Variants in FOXP1 observed in about 807,000 individuals in gnomAD.
FOXP1 encodes forkhead box protein P1.
Under a neutral mutation model 98.2 loss-of-function variants are expected in FOXP1, and 15 were observed. The ratio of observed to expected loss-of-function variants is 0.15; its 90% CI spans 0.10 to 0.24. FOXP1 has a LOEUF of 0.24. Ranked by LOEUF, FOXP1 falls within the 10% of genes least tolerant of loss-of-function variation. The pLI, the probability that FOXP1 is intolerant of heterozygous loss-of-function variation, is 1.00. For synonymous variants in FOXP1, 371 were observed against 314.5 expected, an observed-to-expected ratio of 1.18 and a Z score of -1.90; for missense variants, 633 against 848.5, an observed-to-expected ratio of 0.75 and a Z score of 3.15.
rs193247610 is a variant in FOXP1 at position 71,106,650 on chromosome 3, G to C, written c.282+5886C>G. On this transcript the variant is annotated intron_variant, in intron 7 of 20. Transcript: ENST00000649528. ...CTTTTTTTTTTTTTTAATCGAAATA[G>C]AGTCTTGCTATGTTACCCAGACTGG... Among the ~76,000 whole-genome samples the C allele has an allele frequency of 1.4e-3, 208 of 151,180 alleles. 1 individual carries two copies. The highest frequency in any genetic ancestry group is 4.5e-3 in the African/African-American group (185 of 41,114).
chr3:71,115,200 C>T lies in FOXP1; in HGVS notation c.181-2563G>A, dbSNP rs959965026. ...TGGGGAAGAGGAGAAAGGTTACACACATTTAAGGCTAAAATAAAGCAAGCA... is the reference window on the plus strand; with the variant it reads ...TGGGGAAGAGGAGAAAGGTTACACATATTTAAGGCTAAAATAAAGCAAGCA... On this transcript the variant is annotated intron_variant, in intron 6 of 20. Coordinates refer to ENST00000649528, the MANE Select transcript of FOXP1 (RefSeq NM_001349338.3). 9.2e-5 allele frequency among the ~76,000 whole-genome samples: 14 copies of T among 152,082 alleles called. No homozygotes were observed. The South Asian group carries it at 2.5e-3, about 27-fold the overall frequency.
chr3:71,107,336 G>T (rs894104671), intron 7 of FOXP1, among the ~76,000 whole-genome samples: 3 of 152,132 alleles, frequency 2.0e-5, no homozygotes, highest in African/African-American at 7.2e-5. Flanking sequence ...CCTAAAACTG[G>T]ATGTGACATT....
At chr3:71,271,826 G>T (rs909133322) in intron 5 of FOXP1, among the ~76,000 whole-genome samples, 14 of 152,168 alleles carry the variant, frequency 9.2e-5, no homozygotes, top group Admixed American at 7.9e-4. Flanking sequence ...GCTTTCACTG[G>T]GCTTAAGTCC....
At chr3:71,126,432 T>C (rs2687763) in intron 6 of FOXP1, among the ~76,000 whole-genome samples, 47,477 of 151,916 alleles carry the variant, frequency 0.31, 8,009 homozygotes, top group East Asian at 0.6. Context: ...GAGCTTGCAG[T>C]GAGCCGAGAT....
At chr3:70,975,461 A>G (rs1226295361) in intron 17 of FOXP1, among the ~76,000 whole-genome samples, 1 of 152,202 alleles carries the variant, frequency 6.6e-6, no homozygotes, top group Non-Finnish European at 1.5e-5. Flanking sequence ...TTCTATGGTT[A>G]TATTCGTTTT....
Position 71,267,124 on chromosome 3 carries a change from A to AGTGTGT in FOXP1, c.-12+32690_-12+32695dup, listed in dbSNP as rs1553808466. Among the ~76,000 whole-genome samples, 37 of 148,404 alleles carry AGTGTGT rather than the reference A, an allele frequency of 2.5e-4. 1 individual carries two copies. Among genetic ancestry groups the AGTGTGT allele is most frequent in the Admixed American group, 7.4e-4 (11 of 14,862 alleles). On this transcript the variant is annotated intron_variant, in intron 5 of 20. Coordinates refer to ENST00000649528, the MANE Select transcript of FOXP1 (RefSeq NM_001349338.3). ...TATCACGCTGCATTTTATGGGAGAG[A>AGTGTGT]GTGTGTGTGTGTGTGTGTGTGTGTG...
chr3:71,345,166 G>A (rs1008741303), intron 4 of FOXP1, among the ~76,000 whole-genome samples: 1 of 152,278 alleles, frequency 6.6e-6, no homozygotes, highest in Admixed American at 6.5e-5. Flanking sequence ...AAGGCAGGCA[G>A]ATCTCAAAGT....
At chr3:71,151,464 A>G (rs1393943095) in intron 6 of FOXP1, among the ~76,000 whole-genome samples, 1 of 152,138 alleles carries the variant, frequency 6.6e-6, no homozygotes, top group Non-Finnish European at 1.5e-5. Flanking sequence ...CTGCCTGCCC[A>G]AAGACCACTA....
At chr3:71,228,669 C>T (rs1216132960) in intron 5 of FOXP1, among the ~76,000 whole-genome samples, 1 of 152,170 alleles carries the variant, frequency 6.6e-6, no homozygotes, top group Non-Finnish European at 1.5e-5. Context: ...TTTCCTCTCA[C>T]CGATCCTGCA....
At chr3:71,406,429 C>T (rs558508189) in intron 3 of FOXP1, among the ~76,000 whole-genome samples, 42 of 75,722 alleles carry the variant, frequency 5.5e-4, no homozygotes, top group African/African-American at 1.3e-3. Flanking sequence ...ATATATGGTA[C>T]AGTATGATTT....
intron 5 of FOXP1, among the ~76,000 whole-genome samples, chr3:71,222,869 A>T (rs1560140591): frequency 6.6e-6 from 1 of 152,174 alleles, no homozygotes; most frequent in East Asian, 1.9e-4. Context: ...CAGGCTCCCA[A>T]ACTCAACATT....
chr3:71,201,347 C>T (rs921600473), intron 5 of FOXP1, among the ~76,000 whole-genome samples: 1 of 152,172 alleles, frequency 6.6e-6, no homozygotes, highest in East Asian at 1.9e-4. Context: ...CCCCTTTGTA[C>T]AGAACTAAAG....
intron 7 of FOXP1, among the ~76,000 whole-genome samples, chr3:71,056,419 C>T (rs920576846): frequency 2.0e-5 from 3 of 152,062 alleles, no homozygotes; most frequent in African/African-American, 4.8e-5. Context: ...TTTGCAGTTA[C>T]GGAACAGGAT....
At chr3:71,143,336 G>A (rs570127839) in intron 6 of FOXP1, among the ~76,000 whole-genome samples, 68 of 152,290 alleles carry the variant, frequency 4.5e-4, no homozygotes, top group Middle Eastern at 3.4e-3. Flanking sequence ...CCATGCAAGG[G>A]ATGTGGGGAT....
chr3:71,039,893 C>T (rs899593960), intron 11 of FOXP1, among the ~76,000 whole-genome samples: 1 of 152,172 alleles, frequency 6.6e-6, no homozygotes, highest in Admixed American at 6.5e-5. Flanking sequence ...TTGTCAGTGT[C>T]CACCATTCTA....
intron 13 of FOXP1, among the ~76,000 whole-genome samples, chr3:70,997,652 GTGTTCTCAAGAACC>G (rs1414652858): frequency 6.6e-6 from 1 of 152,138 alleles, no homozygotes; most frequent in Non-Finnish European, 1.5e-5. Flanking sequence ...TAAATTTCTG[GTGTTCTCAAGAACC>G]TGTTAATGTC....
chr3:71,163,725 C>G (rs1179118610), intron 6 of FOXP1, among the ~76,000 whole-genome samples: 1 of 152,144 alleles, frequency 6.6e-6, no homozygotes, highest in East Asian at 1.9e-4. Flanking sequence ...GTGTAAAATT[C>G]CAAGTTAAAT....
chr3:71,389,097 A>G (rs2080825719), intron 3 of FOXP1, among the ~76,000 whole-genome samples: 1 of 152,062 alleles, frequency 6.6e-6, no homozygotes, highest in Admixed American at 6.5e-5. Flanking sequence ...GTGTACTGAT[A>G]GGACAAAAAT....
chr3:71,567,676 C>G (rs1472234535), intron 2 of FOXP1, among the ~76,000 whole-genome samples: 1 of 152,150 alleles, frequency 6.6e-6, no homozygotes, highest in African/African-American at 2.4e-5. Context: ...AACCACATCT[C>G]TACTTGATGG....
Sources: gnomAD v4.1 joint callset for allele counts (sites outside exome capture counted in the v4.1 genomes callset) on GRCh38, gnomAD v4.1.1 for gene constraint, MANE v1.5 for transcripts, NCBI Gene and HGNC (gene_info 2026-07-23, HGNC 2026-07-21) for gene names.